CASP8: variants seen among roughly 807,000 people sequenced by gnomAD.
CASP8 encodes the protein caspase 8.
A neutral mutation model predicts 46.3 loss-of-function variants in CASP8; 24 were observed. The observed-to-expected ratio is 0.52, with a 90% confidence interval of 0.38 to 0.73. The LOEUF (loss-of-function observed/expected upper bound fraction) is 0.73, where lower values mean the gene tolerates loss of function less well. Ranked by LOEUF, CASP8 falls within the 30% of genes least tolerant of loss-of-function variation. The pLI is 0.00. For missense variants in CASP8, 460 were observed against 559.0 expected (o/e 0.82, Z 1.79); for synonymous variants, 188 against 200.4 (o/e 0.94, Z 0.52).
upstream of CASP8, chr2:201,258,316 G>A: frequency 6.2e-7 from 1 of 1,614,064 alleles, no homozygotes; most frequent in Non-Finnish European, 8.5e-7. Context: ...CTTCCCTGCT[G>A]AGCACGTGGA....
Position 201,253,256 on chromosome 2 carries a change from T to G in CASP8, c.-26-13205T>G, listed in dbSNP as rs114182487. Among the ~76,000 whole-genome samples the G allele has an allele frequency of 9.9e-3, 1,454 of 146,946 alleles. 28 individuals are homozygous for G. Among genetic ancestry groups the G allele is most frequent in the African/African-American group, 0.034 (1,385 of 40,284 alleles). On this transcript the variant is annotated intron_variant, in intron 2 of 6. Coordinates refer to the CASP8 transcript ENST00000264274. The stretch of plus-strand genomic sequence containing the variant: ...CTCCCACTTCAGCCTCTCAAAGTGC[T>G]AGGATTATAAATGTGAGCCACTGCA...
In CASP8 at chr2:201,272,005, G is replaced by C. The variant is rs938302770; in HGVS notation, c.411+384G>C. 1.3e-5 allele frequency among the ~76,000 whole-genome samples: 2 copies of C among 152,028 alleles called. No individual in the cohort carries two copies. The highest frequency in any genetic ancestry group is 3.8e-4 in the East Asian group (2 of 5,202). On this transcript the variant is annotated intron_variant, in intron 3 of 8. Coordinates refer to ENST00000673742, the MANE Select transcript of CASP8 (RefSeq NM_001372051.1). The surrounding 1 kb of genome is among the most constrained non-coding windows in gnomAD (Gnocchi z 4.4). ...TGTGTGTGTATTTCCGTGTCTGTGT[G>C]TGCCTTTCTCTGTGTATAGTGTGTG...
chr2:201,249,587 C>A (rs561108845), intron 2 of CASP8, among the ~76,000 whole-genome samples: 1 of 152,288 alleles, frequency 6.6e-6, no homozygotes, highest in East Asian at 1.9e-4. Flanking sequence ...ATTGTTGAGT[C>A]TTAACAGATT....
At chr2:201,285,587 T>G (rs1013275797) in intron 8 of CASP8, among the ~76,000 whole-genome samples, 10 of 152,228 alleles carry the variant, frequency 6.6e-5, no homozygotes, top group African/African-American at 2.4e-4. Flanking sequence ...AAAGCTGAGA[T>G]GCTTTATTCC....
In CASP8 at chr2:201,285,186, A is replaced by C; in HGVS notation, c.1173A>C (p.Arg391Ser). 6.2e-7 allele frequency: 1 copy of C among 1,614,212 alleles called. No individual in the cohort carries two copies. Among genetic ancestry groups the C allele is most frequent in the South Asian group, 1.1e-5 (1 of 91,088 alleles). The change falls in exon 8 of 9, where the codon AGA (arginine) becomes AGC (serine). Residue 391 changes from arginine (R) to serine (S), a missense_variant. Transcript: ENST00000673742. Reference protein sequence around the residue: ...LEMDLSSPQTRYIPDEADFLL... With the variant: ...LEMDLSSPQTSYIPDEADFLL... ...TGGATTTATCATCACCTCAAACGAG[A>C]TATATCCCGGATGAGGCTGACTTTC...
intron 1 of CASP8, among the ~76,000 whole-genome samples, chr2:201,262,775 A>G (rs2125103868): frequency 6.6e-6 from 1 of 152,356 alleles, no homozygotes; most frequent in East Asian, 1.9e-4. Context: ...CCATAAAACA[A>G]GAACTGCCAC....
upstream of CASP8, chr2:201,258,479 C>G: frequency 7.1e-7 from 1 of 1,417,188 alleles, no homozygotes; most frequent in Non-Finnish European, 9.9e-7. Context: ...GGTGGGGAAG[C>G]AACTTGGATC....
chr2:201,269,607 C>G (rs1172337932), intron 2 of CASP8: 1 of 1,604,022 alleles, frequency 6.2e-7, no homozygotes, highest in East Asian at 2.2e-5. Flanking sequence ...ATTAATAAGG[C>G]AGGATCTCTC....
At chr2:201,280,027 GA>G (rs1948901549) in intron 7 of CASP8, among the ~76,000 whole-genome samples, 1 of 151,338 alleles carries the variant, frequency 6.6e-6, no homozygotes, top group Admixed American at 6.6e-5. Flanking sequence ...GAATATGAAT[GA>G]AAAAAAGATA....
intron 7 of CASP8, among the ~76,000 whole-genome samples, chr2:201,283,490 G>T (rs1304210787): frequency 1.2e-5 from 1 of 81,816 alleles, no homozygotes; most frequent in Non-Finnish European, 2.9e-5. Context: ...CCGGGCAGAG[G>T]GGCTCCTCAC....
upstream of CASP8, chr2:201,258,070 C>A: frequency 2.7e-6 from 2 of 750,748 alleles, no homozygotes; most frequent in South Asian, 1.5e-5. Flanking sequence ...GTAAAGTTTA[C>A]CCTGCAGTTC....
At chr2:201,240,109 C>G (rs1946241039) in intron 2 of CASP8, among the ~76,000 whole-genome samples, 1 of 152,280 alleles carries the variant, frequency 6.6e-6, no homozygotes, top group East Asian at 1.9e-4. Flanking sequence ...CCCTCATAAG[C>G]CAGGCAGATC....
chr2:201,265,379 G>GAA (rs58885732), intron 1 of CASP8, among the ~76,000 whole-genome samples: 16 of 144,534 alleles, frequency 1.1e-4, no homozygotes, highest in African/African-American at 2.3e-4. Context: ...GGTCTCAAAA[G>GAA]AAAAAAAAAA....
At chr2:201,263,606 A>G (rs969679523) in intron 1 of CASP8, among the ~76,000 whole-genome samples, 3 of 152,236 alleles carry the variant, frequency 2.0e-5, no homozygotes, top group Admixed American at 2.0e-4. Context: ...TGTATTGTCT[A>G]AAATGAATAC....
chr2:201,276,178 G>A (rs1046786413), intron 6 of CASP8, among the ~76,000 whole-genome samples: 4 of 152,048 alleles, frequency 2.6e-5, no homozygotes, highest in South Asian at 4.2e-4. Context: ...AGGACACAGC[G>A]CCATCCCTGG....
chr2:201,269,509 G>T lies in CASP8; in HGVS notation c.306-2007G>T. The T allele has an allele frequency of 6.2e-7, 1 of 1,611,636 alleles. No homozygotes were observed. The highest frequency in any genetic ancestry group is 8.5e-7 in the Non-Finnish European group (1 of 1,178,512). On this transcript the variant is annotated intron_variant, in intron 2 of 8. Coordinates refer to ENST00000673742, the MANE Select transcript of CASP8 (RefSeq NM_001372051.1). ...GTGCCCACCATCTTGGTCCTTTGAA[G>T]GTTCCACTTCTGCCGCATGAGCTGG...
At chr2:201,269,546 C>T (rs751043226) in intron 2 of CASP8, 2 of 1,613,752 alleles carry the variant, frequency 1.2e-6, no homozygotes, top group South Asian at 2.2e-5. Context: ...CTGAAGCAAA[C>T]AGCCAGTGCC....
upstream of CASP8, chr2:201,258,501 G>A: frequency 3.4e-6 from 4 of 1,180,472 alleles, no homozygotes; most frequent in Non-Finnish European, 5.0e-6. Context: ...GCCCTTCTGA[G>A]GACACCTCTG....
chr2:201,233,838 G>A (rs1945925246), intron 1 of CASP8, among the ~76,000 whole-genome samples: 1 of 152,210 alleles, frequency 6.6e-6, no homozygotes, highest in South Asian at 2.1e-4. Context: ...CCAGGGAGTA[G>A]AAGACAGATA....
Sources: allele counts gnomAD v4.1 joint callset (sites outside exome capture counted in the v4.1 genomes callset), GRCh38; gene constraint gnomAD v4.1.1; non-coding constraint Gnocchi (gnomAD v3.1); transcripts MANE v1.5; gene names NCBI Gene and HGNC (gene_info 2026-07-23, HGNC 2026-07-21).